TIA1: variants seen among roughly 807,000 people sequenced by gnomAD.
The protein encoded by TIA1 is cytotoxic granule associated RNA binding protein TIA1.
In TIA1, 23 loss-of-function variants were observed where a neutral mutation model predicts 65.9. The ratio of observed to expected loss-of-function variants is 0.35; its 90% confidence interval spans 0.25 to 0.49. The LOEUF (loss-of-function observed/expected upper bound fraction) is 0.49. Among genes scored for constraint, TIA1 ranks in the 20% least tolerant of loss-of-function variants. The probability of loss-of-function intolerance (pLI) is 0.98; values close to 1 mark genes in which losing one functional copy is unlikely to be tolerated. For missense variants in TIA1, 371 were observed against 477.9 expected, an observed-to-expected ratio of 0.78 and a Z score of 2.09; for synonymous variants, 147 against 149.4, an observed-to-expected ratio of 0.98 and a Z score of 0.12.
chr2:70,246,378 T>C (rs760577840), intron 1 of TIA1, among the ~76,000 whole-genome samples: 3 of 152,188 alleles, frequency 2.0e-5, no homozygotes, highest in Non-Finnish European at 4.4e-5. Flanking sequence ...GCAAAAATCT[T>C]ACATTAAAAT....
In TIA1 at chr2:70,230,162, G is replaced by A. The variant is rs1285536327; in HGVS notation, c.222+594C>T. 3.3e-5 allele frequency among the ~76,000 whole-genome samples: 5 copies of A among 149,824 alleles called. No homozygotes were observed. The Admixed American group carries it at 3.3e-4, about 10-fold the overall frequency. On this transcript the variant is annotated intron_variant, in intron 3 of 12. Coordinates refer to ENST00000433529, the MANE Select transcript of TIA1 (RefSeq NM_022173.4). ...AGAGGCTGAGGCAGGAGAATGGCAT[G>A]AACCCGGAAGGCAGAGCTTGCAGTG...
chr2:70,216,786 CTATT>C, intron 8 of TIA1, 96 bp downstream of exon 8: 5 of 1,606,830 alleles, frequency 3.1e-6, no homozygotes, highest in African/African-American at 1.3e-5. Flanking sequence ...TGCTTCTCAT[CTATT>C]TCTGCAATAA....
intron 1 of TIA1, among the ~76,000 whole-genome samples, chr2:70,241,468 A>T (rs1255351630): frequency 6.6e-6 from 1 of 152,104 alleles, no homozygotes; most frequent in East Asian, 1.9e-4. Context: ...AGTTTTGACC[A>T]ATGAACTAGT....
At chr2:70,231,465 A>G (rs1377558896) in intron 2 of TIA1, among the ~76,000 whole-genome samples, 1 of 152,098 alleles carries the variant, frequency 6.6e-6, no homozygotes, top group Non-Finnish European at 1.5e-5. Context: ...AAAAAAGCAA[A>G]CACTTAAAAT....
intron 1 of TIA1, among the ~76,000 whole-genome samples, chr2:70,242,880 TCCCG>T (rs565291605): frequency 1.3e-4 from 20 of 152,080 alleles, no homozygotes; most frequent in Admixed American, 5.9e-4. Flanking sequence ...CCTGAAACCA[TCCCG>T]CCCATGGAAA....
chr2:70,236,216 G>A, intron 1 of TIA1, 41 bp from the exon 2 acceptor site: 2 of 1,144,666 alleles, frequency 1.7e-6, no homozygotes, highest in South Asian at 1.3e-5. Context: ...TTTTTTTTTT[G>A]AGACAGAGTT....
chr2:70,230,813 C>T lies in TIA1; in HGVS notation c.165G>A (p.Glu55=). Residue 55 remains glutamate, a synonymous_variant, in exon 3 of 13, where the codon GAG becomes GAA. Coordinates refer to ENST00000433529, the MANE Select transcript of TIA1 (RefSeq NM_022173.4). Reference sequence around the variant, plus strand: ...CTAATGCTGCAGCTGCATGACGATGCTCATGAAACTCCACAAAACAATAGG... The same window carrying T: ...CTAATGCTGCAGCTGCATGACGATGTTCATGAAACTCCACAAAACAATAGG... ...NDPYCFVEFH[E]HRHAAAALAA... is the part of the protein sequence containing the mutation. The T allele has an allele frequency of 1.2e-6, 2 of 1,612,906 alleles. No homozygotes were observed. Among genetic ancestry groups the T allele is most frequent in the Non-Finnish European group, 1.7e-6 (2 of 1,179,624 alleles).
rs185955601 is a variant in TIA1 at position 70,230,059 on chromosome 2, C to T, written c.222+697G>A. Among the ~76,000 whole-genome samples, 411 of 151,580 alleles carry T rather than the reference C, an allele frequency of 2.7e-3. 2 individuals carry two copies. The highest frequency in any genetic ancestry group is 9.5e-3 in the African/African-American group (391 of 41,372). On this transcript the variant is annotated intron_variant, in intron 3 of 12. Transcript: ENST00000433529. ...GCGACTGAGACCATCCTGGCCAACA[C>T]GGTGAAACCCTGTTTCTACTAAAAA... is the stretch of plus-strand genomic sequence containing the variant.
At chr2:70,242,302 G>A (rs1238534055) in intron 1 of TIA1, among the ~76,000 whole-genome samples, 3 of 151,962 alleles carry the variant, frequency 2.0e-5, no homozygotes, top group African/African-American at 7.3e-5. Context: ...GGAGGCTGAG[G>A]TGGGGGATCA....
At chr2:70,246,645 G>A (rs1232034176) in intron 1 of TIA1, among the ~76,000 whole-genome samples, 2 of 152,202 alleles carry the variant, frequency 1.3e-5, no homozygotes, top group Admixed American at 1.3e-4. Flanking sequence ...CAGCACTCTG[G>A]GAGGCCGAGG....
intron 3 of TIA1, 74 bp downstream of exon 3, chr2:70,230,667 AGTGTTTAATGTTTCT>A: frequency 1.2e-5 from 12 of 1,036,952 alleles, no homozygotes; most frequent in East Asian, 5.4e-5. Flanking sequence ...AAAAAAAAAA[AGTGTTTAATGTTTCT>A]AAAAAGGAAA....
intron 7 of TIA1, 187 bp downstream of exon 7, chr2:70,224,367 T>C (rs990739059): frequency 7.3e-6 from 5 of 687,906 alleles, no homozygotes; most frequent in African/African-American, 7.2e-5. Context: ...AAACATCTTA[T>C]CAGTACTCTG....
chr2:70,248,103 G>C (rs1162822313), intron 1 of TIA1, among the ~76,000 whole-genome samples: 1 of 152,230 alleles, frequency 6.6e-6, no homozygotes, highest in Non-Finnish European at 1.5e-5. Flanking sequence ...GTTCTAAAAA[G>C]AGGTCTGAAT....
intron 8 of TIA1, 93 bp downstream of exon 8, chr2:70,216,793 T>C (rs768553388): frequency 6.2e-7 from 1 of 1,607,968 alleles, no homozygotes; most frequent in Non-Finnish European, 8.5e-7. Flanking sequence ...CATCTATTTC[T>C]GCAATAAGTC....
At chr2:70,225,061 T>C (rs1055118205) in intron 6 of TIA1, 2 of 982,148 alleles carry the variant, frequency 2.0e-6, no homozygotes, top group Admixed American at 5.7e-5. Flanking sequence ...ACCAAAAGAA[T>C]GAAAAAGTTG....
At chr2:70,223,375 C>T (rs189933925) in intron 7 of TIA1, among the ~76,000 whole-genome samples, 13 of 152,146 alleles carry the variant, frequency 8.5e-5, no homozygotes, top group African/African-American at 3.1e-4. Flanking sequence ...GGGACATGTA[C>T]ATGATTGAGC....
intron 6 of TIA1, chr2:70,224,897 A>G: frequency 8.5e-7 from 1 of 1,180,082 alleles, no homozygotes; most frequent in Non-Finnish European, 1.1e-6. Context: ...ACTTTTAAAT[A>G]TTAAGCATGG....
chr2:70,212,912 GA>G (rs879881587), intron 12 of TIA1, 67 bp from the exon 13 acceptor site: 1 of 1,047,144 alleles, frequency 9.5e-7, no homozygotes. Flanking sequence ...GTATTGGCAA[GA>G]ACAAACAACA....
At position 70,245,914 on chromosome 2, in the gene TIA1, ATTTTTTTT is replaced by A. The variant is rs199977940; in HGVS notation, c.26+2483_26+2490del. Among the ~76,000 whole-genome samples, 509 of 124,762 alleles carry A rather than the reference ATTTTTTTT, an allele frequency of 4.1e-3. 1 individual carries two copies. The highest frequency in any genetic ancestry group is 0.016 in the African/African-American group (482 of 31,040). 81.8% of individuals were successfully genotyped at this position (124,762 alleles called of 152,430 possible). A position where few individuals can be genotyped will look rare whatever the true frequency, so the allele number is the denominator to read the frequency against. ...AATTCACTGCTTGAAATTCTACCAG[ATTTTTTTT>A]TTTTTTTTTTTTTTTTTTGAGATGG... On this transcript the variant is annotated intron_variant, in intron 1 of 12. Transcript: ENST00000433529.
Sources: gnomAD v4.1 joint callset for allele counts (sites outside exome capture counted in the v4.1 genomes callset) on GRCh38, gnomAD v4.1.1 for gene constraint, MANE v1.5 for transcripts, NCBI Gene and HGNC (gene_info 2026-07-23, HGNC 2026-07-21) for gene names.